Variants in SCGB2B2 observed in about 807,000 individuals in gnomAD.
SCGB2B2 encodes secretoglobin-like protein.
SCGB2B2 carries 11 observed loss-of-function variants against 7.6 expected under a neutral mutation model. That is an observed-to-expected ratio of 1.45 (90% CI 0.91 to 2.40). The LOEUF is 2.40. Ranked by LOEUF, SCGB2B2 falls within the 30% of genes most tolerant of loss-of-function variation. SCGB2B2 has a pLI of 0.00. For missense variants in SCGB2B2, 104 were observed against 115.4 expected, an observed-to-expected ratio of 0.90 and a Z score of 0.45; for synonymous variants, 50 against 48.6, an observed-to-expected ratio of 1.03 and a Z score of -0.12.
chr19:34,637,527 C>T (rs1184900373), intron 1 of SCGB2B2, among the ~76,000 whole-genome samples: 2 of 152,030 alleles, frequency 1.3e-5, no homozygotes, highest in African/African-American at 4.8e-5. Flanking sequence ...AGACAGACAC[C>T]GGGTCCATCG....
At chr19:34,645,986 G>A in intron 1 of SCGB2B2, 4 of 329,226 alleles carry the variant, frequency 1.2e-5, no homozygotes, top group South Asian at 1.1e-4. Context: ...CCAGCCCCCT[G>A]ACAGAGGAGT....
intron 3 of SCGB2B2, 109 bp from the exon 4 acceptor site, chr19:34,593,708 G>C: frequency 2.4e-6 from 2 of 817,902 alleles, no homozygotes; most frequent in South Asian, 1.6e-5. Context: ...GAGTGTGTCT[G>C]CTTGTTGGGG....
downstream of SCGB2B2, among the ~76,000 whole-genome samples, chr19:34,588,458 C>T (rs1048599844): frequency 5.9e-5 from 9 of 152,160 alleles, no homozygotes; most frequent in Non-Finnish European, 1.0e-4. Context: ...GCCAGGTGGG[C>T]GGGAGGCTTG....
In SCGB2B2 at chr19:34,594,603, TTGGCGATG is replaced by T; in HGVS notation, c.-48_-41del. The T allele has an allele frequency of 6.4e-7, 1 of 1,574,106 alleles. No individual in the cohort carries two copies. Among genetic ancestry groups the T allele is most frequent in the Non-Finnish European group, 8.7e-7 (1 of 1,145,714 alleles). On this transcript the variant is annotated 5_prime_UTR_variant, in exon 2 of 4. Coordinates refer to ENST00000601241, the MANE Select transcript of SCGB2B2 (RefSeq NM_001025591.4). ...GTCCCAGCAGGCACAGGCAGGGAAT[TTGGCGATG>T]GGTGAGCTTTATGTATATCTGAACA...
chr19:34,631,224 C>T (rs941387587), intron 1 of SCGB2B2, among the ~76,000 whole-genome samples: 1 of 151,990 alleles, frequency 6.6e-6, no homozygotes, highest in African/African-American at 2.4e-5. Flanking sequence ...TGTAACAAAC[C>T]TGCACGTTGT....
chr19:34,671,918 T>C (rs1440766289), intron 1 of SCGB2B2, among the ~76,000 whole-genome samples: 1 of 152,222 alleles, frequency 6.6e-6, no homozygotes, highest in African/African-American at 2.4e-5. Flanking sequence ...TATGTGTTTA[T>C]TTTCAAACTG....
rs2065391327 is a variant in SCGB2B2 at position 34,594,578 on chromosome 19, G to T, written c.-15C>A. 1 of 1,611,762 alleles carries T rather than the reference G, an allele frequency of 6.2e-7. No homozygotes were observed. The highest frequency in any genetic ancestry group is 1.3e-5 in the African/African-American group (1 of 74,920). ...GTCACCCTCATGACAGCGGAGTCTGGTCCCAGCAGGCACAGGCAGGGAATT... is the reference window on the plus strand; with the variant it reads ...GTCACCCTCATGACAGCGGAGTCTGTTCCCAGCAGGCACAGGCAGGGAATT... On this transcript the variant is annotated 5_prime_UTR_variant, in exon 2 of 4. Transcript: ENST00000601241.
chr19:34,597,326 A>G (rs972091809), intron 1 of SCGB2B2, among the ~76,000 whole-genome samples: 3 of 152,104 alleles, frequency 2.0e-5, no homozygotes, highest in Non-Finnish European at 4.4e-5. Flanking sequence ...ACATGACCAG[A>G]TCGTGCACTT....
chr19:34,674,685 C>G lies in SCGB2B2; in HGVS notation c.-2032+945G>C, dbSNP rs528698340. On this transcript the variant is annotated intron_variant, in intron 1 of 3. Coordinates refer to ENST00000601241, the MANE Select transcript of SCGB2B2 (RefSeq NM_001025591.4). The stretch of plus-strand genomic sequence containing the variant: ...TCATAACGAATTGGGGTTCTCAAAG[C>G]AGAGAAACAATGGTGAAGAGGCAAT... 2.0e-5 allele frequency among the ~76,000 whole-genome samples: 3 copies of G among 152,214 alleles called. No homozygotes were observed. The East Asian group carries it at 5.8e-4, about 29-fold the overall frequency.
chr19:34,613,102 CT>C (rs35050277), intron 1 of SCGB2B2, among the ~76,000 whole-genome samples: 12 of 142,002 alleles, frequency 8.5e-5, no homozygotes, highest in East Asian at 8.1e-4. Flanking sequence ...ATTTTCTTTT[CT>C]TTTTTTTTTT....
intron 1 of SCGB2B2, among the ~76,000 whole-genome samples, chr19:34,602,812 C>T (rs529647711): frequency 1.3e-3 from 199 of 152,206 alleles, no homozygotes; most frequent in African/African-American, 4.6e-3. Flanking sequence ...TTATTGGCTT[C>T]TTTTAACTTT....
chr19:34,632,030 T>C (rs2066549669), intron 1 of SCGB2B2: 1 of 152,144 alleles, frequency 6.6e-6, no homozygotes, highest in East Asian at 1.9e-4. Context: ...TTTAAAGAAA[T>C]GTTGTTGAAT....
At chr19:34,666,124 G>A (rs2067613908) in intron 1 of SCGB2B2, among the ~76,000 whole-genome samples, 1 of 152,136 alleles carries the variant, frequency 6.6e-6, no homozygotes, top group South Asian at 2.1e-4. Flanking sequence ...TTTCCCCTTG[G>A]GGAGGGTCCC....
At chr19:34,613,730 T>G (rs2065996311) in intron 1 of SCGB2B2, among the ~76,000 whole-genome samples, 1 of 152,232 alleles carries the variant, frequency 6.6e-6, no homozygotes, top group Non-Finnish European at 1.5e-5. Context: ...GTTTTACACT[T>G]TTGTGTGTTT....
At chr19:34,667,270 C>A (rs894563945) in intron 1 of SCGB2B2, among the ~76,000 whole-genome samples, 3 of 152,150 alleles carry the variant, frequency 2.0e-5, no homozygotes, top group Non-Finnish European at 4.4e-5. Flanking sequence ...TCAACCCCAT[C>A]CTATCCCTCC....
At chr19:34,674,516 A>G (rs1472189421) in intron 1 of SCGB2B2, among the ~76,000 whole-genome samples, 1 of 152,240 alleles carries the variant, frequency 6.6e-6, no homozygotes, top group Non-Finnish European at 1.5e-5. Context: ...AAAAGTTTGG[A>G]AAATTGAAAT....
chr19:34,594,690 T>C lies in SCGB2B2; in HGVS notation c.-127A>G. 1 of 726,556 alleles carries C rather than the reference T, an allele frequency of 1.4e-6. No individual in the cohort carries two copies. The highest frequency in any genetic ancestry group is 1.9e-5 in the African/African-American group (1 of 52,698). The allele number at this position is 726,556 out of a possible 1,614,324, so 45.0% of individuals were successfully genotyped here. On this transcript the variant is annotated 5_prime_UTR_variant, in exon 2 of 4. Coordinates refer to ENST00000601241, the MANE Select transcript of SCGB2B2 (RefSeq NM_001025591.4). ...GTGTGTGTGTGTGTGTGTGTGTGTGTGTGTGTGTGTGTGAATGTGGTCAGG... is the reference window on the plus strand; with the variant it reads ...GTGTGTGTGTGTGTGTGTGTGTGTGCGTGTGTGTGTGTGAATGTGGTCAGG...
chr19:34,648,783 T>C (rs1161850856), intron 1 of SCGB2B2, among the ~76,000 whole-genome samples: 1 of 151,830 alleles, frequency 6.6e-6, no homozygotes, highest in Non-Finnish European at 1.5e-5. Flanking sequence ...TTAAAATGAA[T>C]TTTTTAAATG....
intron 1 of SCGB2B2, among the ~76,000 whole-genome samples, chr19:34,665,933 G>A (rs933458834): frequency 6.6e-6 from 1 of 152,098 alleles, no homozygotes; most frequent in African/African-American, 2.4e-5. Context: ...GTGCTCTGGG[G>A]TCCAGAGAAG....
Sources: gnomAD v4.1 joint callset for allele counts (sites outside exome capture counted in the v4.1 genomes callset) on GRCh38, gnomAD v4.1.1 for gene constraint, MANE v1.5 for transcripts, NCBI Gene and HGNC (gene_info 2026-07-23, HGNC 2026-07-21) for gene names.